STAP1: variants seen among roughly 807,000 people sequenced by gnomAD.
STAP1 encodes the protein signal-transducing adaptor protein 1.
In STAP1, 30 loss-of-function variants were observed where a neutral mutation model predicts 37.8. That is an observed-to-expected ratio of 0.79 (90% CI 0.59 to 1.08). The LOEUF is 1.08. STAP1 is among the 50% of genes least tolerant of loss of function. The pLI is 0.00. For synonymous variants in STAP1, 130 were observed against 116.0 expected, an observed-to-expected ratio of 1.12 and a Z score of -0.78; for missense variants, 357 against 349.4, an observed-to-expected ratio of 1.02 and a Z score of -0.17.
chr4:67,572,662 A>G (rs1240886775), intron 2 of STAP1, among the ~76,000 whole-genome samples: 1 of 152,194 alleles, frequency 6.6e-6, no homozygotes, highest in Admixed American at 6.5e-5. Flanking sequence ...AAATCAGAAT[A>G]AAAATAGTAG....
chr4:67,581,477 T>A lies in STAP1; in HGVS notation c.530+6T>A, dbSNP rs1727857935. 3 of 1,598,148 alleles carry A rather than the reference T, an allele frequency of 1.9e-6. No individual in the cohort carries two copies. Among genetic ancestry groups the A allele is most frequent in the Non-Finnish European group, 2.6e-6 (3 of 1,173,786 alleles). On this transcript the variant is annotated splice_donor_region_variant and intron_variant, in intron 5 of 8. Transcript: ENST00000265404. ...GTACTGAACCCTATGCCAGCGTAAGTGCACAATGAACTGCAGTTTATTCAT... is the reference window on the plus strand; with the variant it reads ...GTACTGAACCCTATGCCAGCGTAAGAGCACAATGAACTGCAGTTTATTCAT...
At chr4:67,597,529 C>G (rs1461234781) in intron 8 of STAP1, among the ~76,000 whole-genome samples, 3 of 152,202 alleles carry the variant, frequency 2.0e-5, no homozygotes, top group Non-Finnish European at 4.4e-5. Flanking sequence ...CCACAGCTTG[C>G]ACCATGTGTC....
At chr4:67,566,055 TC>T (rs984024914) in intron 1 of STAP1, among the ~76,000 whole-genome samples, 5 of 149,090 alleles carry the variant, frequency 3.4e-5, no homozygotes, top group Non-Finnish European at 7.4e-5. Flanking sequence ...TTCAAGAGAT[TC>T]TCCTGTCTCA....
intron 8 of STAP1, among the ~76,000 whole-genome samples, chr4:67,599,529 A>G (rs1189619728): frequency 6.6e-6 from 1 of 151,784 alleles, no homozygotes; most frequent in African/African-American, 2.4e-5. Flanking sequence ...TTATCCTTTT[A>G]ATTTCTGTGG....
chr4:67,559,018 T>C, intron 1 of STAP1, 89 bp downstream of exon 1: 2 of 1,259,620 alleles, frequency 1.6e-6, no homozygotes, highest in African/African-American at 1.5e-5. Flanking sequence ...AAGACCTCCT[T>C]GTTTCTGTTG....
Position 67,603,716 on chromosome 4 carries a change from G to A in STAP1, c.827-2580G>A, listed in dbSNP as rs976971238. Reference sequence around the variant, plus strand: ...TGGAGGCCTCATGACTCTGCCTGATGCCCTGTTCTACTGTGGGTGAGCTGC... The same window carrying A: ...TGGAGGCCTCATGACTCTGCCTGATACCCTGTTCTACTGTGGGTGAGCTGC... On this transcript the variant is annotated intron_variant, in intron 8 of 8. Transcript: ENST00000265404. 2.0e-5 allele frequency among the ~76,000 whole-genome samples: 3 copies of A among 152,096 alleles called. No individual in the cohort carries two copies. The South Asian group carries it at 6.2e-4, about 32-fold the overall frequency.
intron 6 of STAP1, among the ~76,000 whole-genome samples, chr4:67,584,101 A>G (rs78976525): frequency 5.8e-5 from 4 of 69,348 alleles, no homozygotes; most frequent in Non-Finnish European, 1.5e-4. Context: ...CGGTCTCGAA[A>G]AAAAAAAAAA....
At chr4:67,598,618 G>A (rs1728274170) in intron 8 of STAP1, among the ~76,000 whole-genome samples, 1 of 152,026 alleles carries the variant, frequency 6.6e-6, no homozygotes, top group Non-Finnish European at 1.5e-5. Context: ...CCCATTTTTA[G>A]TTGTTTTATT....
In STAP1 at chr4:67,583,597, A is replaced by G. The variant is rs1264004653; in HGVS notation, c.554A>G (p.Lys185Arg). 2 of 1,613,670 alleles carry G rather than the reference A, an allele frequency of 1.2e-6. No homozygotes were observed. The highest frequency in any genetic ancestry group is 4.5e-5 in the East Asian group (2 of 44,848). Reference protein sequence around the residue: ...MPACFYTVSRKEATEMLQKNP... With the variant: ...MPACFYTVSRREATEMLQKNP... The stretch of plus-strand genomic sequence containing the variant: ...AGATGTTTTTATACAGTGTCCCGGA[A>G]AGAGGCAACTGAGATGCTCCAGAAG... Residue 185 changes from lysine to arginine, a missense_variant, in exon 6 of 9, where the codon AAA (lysine) becomes AGA (arginine). Coordinates refer to ENST00000265404, the MANE Select transcript of STAP1 (RefSeq NM_012108.4).
At chr4:67,596,188 G>C (rs1314557769) in intron 8 of STAP1, among the ~76,000 whole-genome samples, 1 of 152,090 alleles carries the variant, frequency 6.6e-6, no homozygotes, top group Admixed American at 6.6e-5. Context: ...GATACTGAGG[G>C]AGTTCTCATG....
At chr4:67,571,303 G>A (rs1182713349) in intron 2 of STAP1, 148 bp downstream of exon 2, 13 of 550,524 alleles carry the variant, frequency 2.4e-5, no homozygotes, top group African/African-American at 9.7e-5. Flanking sequence ...TGTGGGGGCC[G>A]CCAATGATCA....
At chr4:67,580,699 T>C (rs1347475212) in intron 4 of STAP1, among the ~76,000 whole-genome samples, 1 of 152,188 alleles carries the variant, frequency 6.6e-6, no homozygotes, top group Non-Finnish European at 1.5e-5. Context: ...AGGACATATA[T>C]AGGTGAGTCA....
At chr4:67,575,245 T>C (rs1444020680) in intron 2 of STAP1, 140 bp from the exon 3 acceptor site, 2 of 558,412 alleles carry the variant, frequency 3.6e-6, no homozygotes. Flanking sequence ...TTTCCACATG[T>C]CCTCTGGGAT....
chr4:67,580,311 T>A (rs115020836), intron 4 of STAP1, among the ~76,000 whole-genome samples: 2,038 of 152,340 alleles, frequency 0.013, 48 homozygotes, highest in African/African-American at 0.046. Context: ...ATTGTTTTAC[T>A]GGTTATTATC....
At position 67,588,534 on chromosome 4, in the gene STAP1, C is replaced by T. The variant is rs568254237; in HGVS notation, c.660-2350C>T. ...ACGCCATTCTCCTGCCTCAGCCTCC[C>T]GAGTAGCTGGGACTACAGGTGCCCA... On this transcript the variant is annotated intron_variant, in intron 6 of 8. Transcript: ENST00000265404. Among the ~76,000 whole-genome samples the T allele has an allele frequency of 2.3e-3, 353 of 152,134 alleles. 1 individual carries two copies. Among genetic ancestry groups the T allele is most frequent in the African/African-American group, 8.1e-3 (336 of 41,500 alleles).
At position 67,593,494 on chromosome 4, in the gene STAP1, A is replaced by C. The variant is rs556424617; in HGVS notation, c.826+138A>C. ...CTTTAAATTTATCCATTTGGAAATC[A>C]TTTTGTCACTCAGTCTGTGAAAATA... On this transcript the variant is annotated intron_variant, in intron 8 of 8. Coordinates refer to ENST00000265404, the MANE Select transcript of STAP1 (RefSeq NM_012108.4). 2.1e-5 allele frequency: 13 copies of C among 633,174 alleles called. No homozygotes were observed. In the South Asian group the frequency reaches 2.4e-4, roughly 12 times the overall value. The allele number at this position is 633,174 out of a possible 1,614,324, so 39.2% of individuals were successfully genotyped here. A position where few individuals can be genotyped will look rare whatever the true frequency, so the allele number is the denominator to read the frequency against.
intron 1 of STAP1, among the ~76,000 whole-genome samples, chr4:67,560,514 T>C (rs916882231): frequency 5.9e-5 from 9 of 152,240 alleles, no homozygotes; most frequent in African/African-American, 1.9e-4. Context: ...CCTTACCAAA[T>C]TTCTACTCTT....
At chr4:67,560,141 A>G (rs1176270392) in intron 1 of STAP1, among the ~76,000 whole-genome samples, 2 of 152,222 alleles carry the variant, frequency 1.3e-5, no homozygotes, top group East Asian at 1.9e-4. Flanking sequence ...GGTATTTATA[A>G]TAACTGTTTA....
chr4:67,600,646 C>G (rs189952069), intron 8 of STAP1, among the ~76,000 whole-genome samples: 1 of 152,156 alleles, frequency 6.6e-6, no homozygotes, highest in African/African-American at 2.4e-5. Context: ...ATAATATTTG[C>G]TTTACATACA....
Sources: gnomAD v4.1 joint callset for allele counts (sites outside exome capture counted in the v4.1 genomes callset) on GRCh38, gnomAD v4.1.1 for gene constraint, MANE v1.5 for transcripts, NCBI Gene and HGNC (gene_info 2026-07-23, HGNC 2026-07-21) for gene names.